Variants in ZFP30 observed in about 807,000 individuals in gnomAD.
The protein encoded by ZFP30 is ZFP30 zinc finger protein.
Under a neutral mutation model 12.3 loss-of-function variants are expected in ZFP30, and 16 were observed. The observed-to-expected ratio is 1.30, with a 90% CI of 0.88 to 1.98. The LOEUF (loss-of-function observed/expected upper bound fraction) is 1.98, where lower values mean the gene tolerates loss of function less well. Among genes scored for constraint, ZFP30 ranks in the 30% most tolerant of loss-of-function variants. The probability of loss-of-function intolerance (pLI) is 0.00; values close to 1 mark genes in which losing one functional copy is unlikely to be tolerated. For missense variants in ZFP30, 560 were observed against 611.2 expected (o/e 0.92, Z 0.88); for synonymous variants, 172 against 201.0 (o/e 0.86, Z 1.22).
At chr19:37,650,728 TTTTC>T (rs1475657494) in intron 2 of ZFP30, among the ~76,000 whole-genome samples, 1 of 150,740 alleles carries the variant, frequency 6.6e-6, no homozygotes, top group Non-Finnish European at 1.5e-5. Context: ...TTCAATATGA[TTTTC>T]TTTTCCTTTT....
At chr19:37,654,146 G>C (rs148230051) in intron 2 of ZFP30, among the ~76,000 whole-genome samples, 12 of 152,282 alleles carry the variant, frequency 7.9e-5, no homozygotes, top group African/African-American at 2.4e-4. Context: ...TGAGGAAATT[G>C]AAGCACAGAT....
intron 3 of ZFP30, among the ~76,000 whole-genome samples, chr19:37,645,100 G>A (rs2972457): frequency 6.6e-6 from 1 of 151,754 alleles, no homozygotes; most frequent in South Asian, 2.1e-4. Flanking sequence ...AGCTACTCGG[G>A]AGGTTGAGGC....
chr19:37,653,225 G>T (rs2044688848), intron 2 of ZFP30, among the ~76,000 whole-genome samples: 1 of 151,908 alleles, frequency 6.6e-6, no homozygotes, highest in East Asian at 1.9e-4. Context: ...ATTTCTACCA[G>T]TTCCTGAGTA....
At chr19:37,637,678 C>G (rs143905389) in intron 5 of ZFP30, among the ~76,000 whole-genome samples, 32 of 152,010 alleles carry the variant, frequency 2.1e-4, no homozygotes, top group Non-Finnish European at 3.5e-4. Flanking sequence ...TTAGTAGAGA[C>G]AGTTTCACAA....
In ZFP30 at chr19:37,636,542, T is replaced by TA. The variant is rs576564386; in HGVS notation, c.236-238dup. On this transcript the variant is annotated intron_variant, in intron 5 of 5. Transcript: ENST00000684514. ...AGATCAAAGTTTGAGACTCCCCACT[T>TA]AAATTTTTCAATTTCTCTTTTCAGT... is the stretch of plus-strand genomic sequence containing the variant. 1.7e-3 allele frequency among the ~76,000 whole-genome samples: 259 copies of TA among 152,276 alleles called. 1 individual carries two copies. The highest frequency in any genetic ancestry group is 3.2e-3 in the Non-Finnish European group (218 of 68,002).
intron 2 of ZFP30, 124 bp downstream of exon 2, chr19:37,654,588 C>T (rs2044715093): frequency 6.6e-6 from 1 of 152,080 alleles, no homozygotes; most frequent in Non-Finnish European, 1.5e-5. Context: ...GGTCCCCTGC[C>T]GTTAACTAGG....
intron 2 of ZFP30, 84 bp from the exon 3 acceptor site, chr19:37,647,983 C>T: frequency 1.4e-6 from 1 of 697,854 alleles, no homozygotes; most frequent in Non-Finnish European, 2.4e-6. Flanking sequence ...TTCTCCATTC[C>T]TATATGCAAC....
At position 37,635,339 on chromosome 19, in the gene ZFP30, T is replaced by C. The variant is rs760442437; in HGVS notation, c.1202A>G (p.Gln401Arg). 7 of 1,614,028 alleles carry C rather than the reference T, an allele frequency of 4.3e-6. No homozygotes were observed. Among genetic ancestry groups the C allele is most frequent in the Non-Finnish European group, 5.9e-6 (7 of 1,180,012 alleles). Residue 401 changes from glutamine (Q) to arginine (R), a missense_variant, in exon 6 of 6, where the codon CAG becomes CGG. Transcript: ENST00000684514. ...AGGTTTCTCTCCAATGTGAATACCC[T>C]GATGTGAAATAAGTTCTGAGTAACG... ...FRRYSELISHQGIHIGEKPYE... is the reference protein window; with the variant it reads ...FRRYSELISHRGIHIGEKPYE...
chr19:37,649,167 C>T (rs904657550), intron 2 of ZFP30, among the ~76,000 whole-genome samples: 12 of 151,250 alleles, frequency 7.9e-5, no homozygotes, highest in Admixed American at 7.9e-4. Flanking sequence ...ATTGCTTGAG[C>T]CCAGGAGTTC....
intron 5 of ZFP30, among the ~76,000 whole-genome samples, chr19:37,641,735 T>C (rs1214015871): frequency 6.6e-6 from 1 of 152,218 alleles, no homozygotes; most frequent in East Asian, 1.9e-4. Flanking sequence ...TCTGATAAAA[T>C]TTTAAACAAC....
In ZFP30 at chr19:37,654,752, C is replaced by T. The variant is rs1407144195; in HGVS notation, c.-118G>A. ...AGAAGAGCAGCAGCGATTCGTTTCTCCTTCTCAAGCGCCTTCTCTGGAAAC... is the reference window on the plus strand; with the variant it reads ...AGAAGAGCAGCAGCGATTCGTTTCTTCTTCTCAAGCGCCTTCTCTGGAAAC... On this transcript the variant is annotated 5_prime_UTR_variant, in exon 2 of 6. Coordinates refer to ENST00000684514, the MANE Select transcript of ZFP30 (RefSeq NM_001320669.3). 1 of 152,342 alleles carries T rather than the reference C, an allele frequency of 6.6e-6. No individual in the cohort carries two copies. Among genetic ancestry groups the T allele is most frequent in the Non-Finnish European group, 1.5e-5 (1 of 68,156 alleles). 9.4% of individuals were successfully genotyped at this position (152,342 alleles called of 1,614,324 possible).
chr19:37,645,730 CTCTA>C (rs10617748), intron 3 of ZFP30, among the ~76,000 whole-genome samples: 4,426 of 151,666 alleles, frequency 0.029, 231 homozygotes, highest in African/African-American at 0.1. Flanking sequence ...ATGGGATTTA[CTCTA>C]TCTTCTTTTC....
chr19:37,639,015 CAAT>C (rs1201265209), intron 5 of ZFP30, among the ~76,000 whole-genome samples: 4 of 151,958 alleles, frequency 2.6e-5, no homozygotes, highest in African/African-American at 9.7e-5. Flanking sequence ...TAAAAGACAA[CAAT>C]AATTTAAATG....
chr19:37,636,727 T>A (rs1316840881), intron 5 of ZFP30, among the ~76,000 whole-genome samples: 1 of 151,990 alleles, frequency 6.6e-6, no homozygotes, highest in Non-Finnish European at 1.5e-5. Context: ...TTCTTTTTTT[T>A]TTTTCGAGAC....
chr19:37,644,759 T>G (rs367924092), intron 3 of ZFP30, 23 bp from the exon 4 acceptor site: 1 of 1,597,074 alleles, frequency 6.3e-7, no homozygotes, highest in African/African-American at 1.4e-5. Flanking sequence ...ACGCATGTAT[T>G]ATTTGTAAGA....
intron 2 of ZFP30, among the ~76,000 whole-genome samples, chr19:37,653,611 T>C (rs1475688792): frequency 6.6e-6 from 1 of 152,228 alleles, no homozygotes; most frequent in Admixed American, 6.5e-5. Context: ...TTCCATCACA[T>C]GGAGTGTGAT....
intron 2 of ZFP30, among the ~76,000 whole-genome samples, chr19:37,654,455 T>A (rs1356395356): frequency 2.6e-5 from 4 of 152,190 alleles, no homozygotes; most frequent in Non-Finnish European, 5.9e-5. Flanking sequence ...TTCCATATCA[T>A]CAAGATCCTT....
chr19:37,644,534 G>A, intron 4 of ZFP30, 76 bp downstream of exon 4: 2 of 1,359,728 alleles, frequency 1.5e-6, no homozygotes, highest in Non-Finnish European at 1.9e-6. Flanking sequence ...CTTCGTCTTT[G>A]GAAAAAAACA....
At position 37,631,353 on chromosome 19, in the gene ZFP30, T is replaced by C. The variant is rs1455684672; in HGVS notation, c.*3628A>G. 6.6e-6 allele frequency: 1 copy of C among 152,244 alleles called. No homozygotes were observed. The highest frequency in any genetic ancestry group is 1.9e-4 in the East Asian group (1 of 5,202). 9.4% of individuals were successfully genotyped at this position (152,244 alleles called of 1,614,324 possible). A position where few individuals can be genotyped will look rare whatever the true frequency, so the allele number is the denominator to read the frequency against. ...ATAGTTTTATTTTCTTAATTATTAA[T>C]TTTAATATGCTCATTTAACCACAGA... On this transcript the variant is annotated 3_prime_UTR_variant, in exon 6 of 6. Transcript: ENST00000684514.
Sources: allele counts gnomAD v4.1 joint callset (sites outside exome capture counted in the v4.1 genomes callset), GRCh38; gene constraint gnomAD v4.1.1; transcripts MANE v1.5; gene names NCBI Gene and HGNC (gene_info 2026-07-23, HGNC 2026-07-21).